ZNF415: variants seen among roughly 807,000 people sequenced by gnomAD.
ZNF415 encodes the protein zinc finger protein 415.
ZNF415 carries 5 observed loss-of-function variants against 7.3 expected under a neutral mutation model. The observed-to-expected ratio is 0.69, with a 90% CI of 0.36 to 1.44. ZNF415 has a LOEUF of 1.44. Among genes scored for constraint, ZNF415 ranks in the 40% most tolerant of loss-of-function variants. ZNF415 has a pLI of 0.04. For synonymous variants in ZNF415, 207 were observed against 226.3 expected (o/e 0.91, Z 0.77); for missense variants, 628 against 664.8 (o/e 0.94, Z 0.61).
intron 1 of ZNF415, among the ~76,000 whole-genome samples, chr19:53,125,042 A>G (rs1284742681): frequency 1.9e-5 from 2 of 106,754 alleles, no homozygotes; most frequent in African/African-American, 5.7e-5. Context: ...GGGTCTGTTT[A>G]TGTCCAATTT....
rs977907557 is a variant in ZNF415 at position 53,123,210 on chromosome 19, T to C, written c.-67-467A>G. Among the ~76,000 whole-genome samples, 7 of 152,118 alleles carry C rather than the reference T, an allele frequency of 4.6e-5. No homozygotes were observed. The South Asian group carries it at 1.4e-3, about 32-fold the overall frequency. Reference sequence around the variant, plus strand: ...GGGATGGGGGCACAAGAGGTATATCTGCAAAGTACCCCAGCACTTTCATAT... The same window carrying C: ...GGGATGGGGGCACAAGAGGTATATCCGCAAAGTACCCCAGCACTTTCATAT... On this transcript the variant is annotated intron_variant, in intron 1 of 3. Coordinates refer to ENST00000243643, the MANE Select transcript of ZNF415 (RefSeq NM_018355.4).
Position 53,115,698 on chromosome 19 carries a change from T to A in ZNF415, c.136+615A>T, listed in dbSNP as rs987872925. 5.2e-6 allele frequency: 8 copies of A among 1,547,780 alleles called. No individual in the cohort carries two copies. The African/African-American group carries it at 8.2e-5, about 16-fold the overall frequency. The stretch of plus-strand genomic sequence containing the variant: ...TGGCTTCCTCTCCCCTCATCTGAGG[T>A]CTTACCTGTTTTCACACCTTTGATC... On this transcript the variant is annotated intron_variant, in intron 3 of 3. Transcript: ENST00000243643.
Position 53,109,461 on chromosome 19 carries a change from G to A in ZNF415, c.584C>T (p.Thr195Ile), listed in dbSNP as rs1345460654. ...IKTHVSNKYG[T>I]DFICSSLLTQ... Reference sequence around the variant, plus strand: ...GAGTAATGAAGAACAGATGAAATCAGTCCCATATTTATTAGAAACATGGGT... The same window carrying A: ...GAGTAATGAAGAACAGATGAAATCAATCCCATATTTATTAGAAACATGGGT... The change falls in exon 4 of 4, where the codon ACT (threonine) becomes ATT (isoleucine). Residue 195 changes from threonine (T) to isoleucine (I), a missense_variant. By Grantham distance (89) the Thr-to-Ile change is moderately conservative. Transcript: ENST00000243643. 6.2e-7 allele frequency: 1 copy of A among 1,614,078 alleles called. No homozygotes were observed. Among genetic ancestry groups the A allele is most frequent in the East Asian group, 2.2e-5 (1 of 44,880 alleles).
chr19:53,110,940 A>C (rs138468117), intron 3 of ZNF415, among the ~76,000 whole-genome samples: 1 of 152,216 alleles, frequency 6.6e-6, no homozygotes, highest in East Asian at 1.9e-4. Flanking sequence ...CACAATATAC[A>C]TAAGAGTTTG....
chr19:53,113,463 C>T lies in ZNF415; in HGVS notation c.136+2850G>A, dbSNP rs1337470154. ...CGGAGCTTGCAGTGAGTCGAGATCG[C>T]GCCACTGCACTCCAGCCTGGGCGAC... On this transcript the variant is annotated intron_variant, in intron 3 of 3. Transcript: ENST00000243643. Among the ~76,000 whole-genome samples, 2 of 98,448 alleles carry T rather than the reference C, an allele frequency of 2.0e-5. 1 individual carries two copies. The highest frequency in any genetic ancestry group is 3.9e-5 in the Non-Finnish European group (2 of 51,178). 64.6% of individuals were successfully genotyped at this position (98,448 alleles called of 152,430 possible).
intron 3 of ZNF415, chr19:53,115,173 T>A (rs2086819187): frequency 6.3e-6 from 1 of 157,954 alleles, no homozygotes; most frequent in African/African-American, 2.4e-5. Context: ...CCGTCTCTAC[T>A]AAAAATACAA....
chr19:53,120,342 C>G (rs2087795702), intron 2 of ZNF415, among the ~76,000 whole-genome samples: 1 of 152,090 alleles, frequency 6.6e-6, no homozygotes, highest in Non-Finnish European at 1.5e-5. Context: ...AATACGAAAA[C>G]GTGTAAATAT....
intron 3 of ZNF415, among the ~76,000 whole-genome samples, chr19:53,114,152 A>G (rs1223348143): frequency 6.6e-6 from 1 of 151,788 alleles, no homozygotes; most frequent in Non-Finnish European, 1.5e-5. Flanking sequence ...GAAATGACAG[A>G]CTCCAGGAGT....
At position 53,116,389 on chromosome 19, in the gene ZNF415, C is replaced by G. The variant is rs1195742010; in HGVS notation, c.60G>C (p.Trp20Cys). The change falls in exon 3 of 4, where the codon TGG becomes TGC. Residue 20 changes from tryptophan (W) to cysteine (C), a missense_variant. Physicochemically the swap from Trp to Cys is radical, Grantham distance 215. Transcript: ENST00000243643. ...DVAIEFSQDE[W>C]KCLNSTQRTL... is the part of the protein sequence containing the mutation. ...TCCTCTGTGTAGAGTTCAGGCATTT[C>G]CACTCATCTTGAGAGAATTCGATGG... The G allele has an allele frequency of 1.2e-6, 2 of 1,614,028 alleles. No homozygotes were observed. Among genetic ancestry groups the G allele is most frequent in the Admixed American group, 3.3e-5 (2 of 59,984 alleles).
intron 2 of ZNF415, among the ~76,000 whole-genome samples, chr19:53,118,441 A>C (rs2087406235): frequency 6.6e-6 from 1 of 152,214 alleles, no homozygotes. Context: ...CTTTAGACTA[A>C]ACAGATCTAA....
intron 2 of ZNF415, among the ~76,000 whole-genome samples, chr19:53,119,231 C>T (rs1002466742): frequency 1.3e-5 from 2 of 151,566 alleles, no homozygotes; most frequent in African/African-American, 2.4e-5. Flanking sequence ...GCAGTGAGCC[C>T]AGACCGAGCC....
chr19:53,115,488 A>G (rs2086878830), intron 3 of ZNF415, among the ~76,000 whole-genome samples: 2 of 152,106 alleles, frequency 1.3e-5, no homozygotes, highest in Non-Finnish European at 2.9e-5. Flanking sequence ...GAGCACTTCC[A>G]TTTGTCTCTG....
chr19:53,130,502 C>A (rs147792821), intron 1 of ZNF415, among the ~76,000 whole-genome samples: 54 of 152,104 alleles, frequency 3.6e-4, no homozygotes, highest in African/African-American at 1.2e-3. Flanking sequence ...TTATAGGATG[C>A]CACCAAAGTT....
At chr19:53,130,677 T>C (rs2089948762) in intron 1 of ZNF415, among the ~76,000 whole-genome samples, 1 of 152,190 alleles carries the variant, frequency 6.6e-6, no homozygotes, top group Admixed American at 6.5e-5. Flanking sequence ...TGTTTTTTTT[T>C]CAGACGCAGT....
chr19:53,120,373 T>C (rs1444138773), intron 2 of ZNF415, among the ~76,000 whole-genome samples: 1 of 152,178 alleles, frequency 6.6e-6, no homozygotes, highest in Non-Finnish European at 1.5e-5. Flanking sequence ...CAGGATAGAA[T>C]ACCCTAACAA....
In ZNF415 at chr19:53,109,308, C is replaced by A. The variant is rs749440852; in HGVS notation, c.737G>T (p.Cys246Phe). The A allele has an allele frequency of 1.4e-5, 23 of 1,614,076 alleles. No homozygotes were observed. The highest frequency in any genetic ancestry group is 1.9e-5 in the Non-Finnish European group (22 of 1,180,036). The change falls in exon 4 of 4, where the codon TGT becomes TTT. Residue 246 changes from cysteine to phenylalanine, a missense_variant. Coordinates refer to ENST00000243643, the MANE Select transcript of ZNF415 (RefSeq NM_018355.4). ...ACTAAAGACCTTGCCACACAGATCA[C>A]ATTTATATCCTTTCTCTCCAGAATG... The part of the protein sequence containing the change: ...VSHSGEKGYK[C>F]DLCGKVFSQK...
chr19:53,123,782 A>G (rs2088554694), intron 1 of ZNF415: 1 of 388,680 alleles, frequency 2.6e-6, no homozygotes, highest in African/African-American at 2.1e-5. Flanking sequence ...TTTATAAATT[A>G]ACCCACTTAC....
chr19:53,109,359 G>A lies in ZNF415; in HGVS notation c.686C>T (p.Ser229Leu). The change falls in exon 4 of 4, where the codon TCA (serine) becomes TTA (leucine). Residue 229 changes from serine (S) to leucine (L), a missense_variant. Transcript: ENST00000243643. ...ACTTACCTGACGTACAGTCATGTGT[G>A]AGCCATGATTCAAGGCTTTGTCGCA... ...IECDKALNHGSHMTVRQVSHS... is the reference protein window; with the variant it reads ...IECDKALNHGLHMTVRQVSHS... 1 of 1,614,132 alleles carries A rather than the reference G, an allele frequency of 6.2e-7. No homozygotes were observed. The highest frequency in any genetic ancestry group is 8.5e-7 in the Non-Finnish European group (1 of 1,180,006).
chr19:53,116,497 A>C, intron 2 of ZNF415, 64 bp from the exon 3 acceptor site: 1 of 1,596,934 alleles, frequency 6.3e-7, no homozygotes, highest in Non-Finnish European at 8.6e-7. Context: ...ATCTTCACAC[A>C]AAATAAGAAT....
Sources: gnomAD v4.1 joint callset for allele counts (sites outside exome capture counted in the v4.1 genomes callset) on GRCh38, gnomAD v4.1.1 for gene constraint, MANE v1.5 for transcripts, NCBI Gene and HGNC (gene_info 2026-07-23, HGNC 2026-07-21) for gene names.